STARD8: variants seen among roughly 807,000 people sequenced by gnomAD.
STARD8 encodes stAR-related lipid transfer protein 8.
STARD8 carries 25 observed loss-of-function variants against 69.4 expected under a neutral mutation model. The observed-to-expected ratio is 0.36, with a 90% CI of 0.26 to 0.50. STARD8 has a LOEUF of 0.50. Ranked by LOEUF, STARD8 falls within the 20% of genes least tolerant of loss-of-function variation. The pLI is 0.96. For missense variants in STARD8, 921 were observed against 932.5 expected, an observed-to-expected ratio of 0.99 and a Z score of 0.16; for synonymous variants, 389 against 374.6, an observed-to-expected ratio of 1.04 and a Z score of -0.45.
chrX:68,676,407 T>C (rs977019164), intron 2 of STARD8, among the ~76,000 whole-genome samples: 4 of 112,297 alleles, frequency 3.6e-5, no homozygotes, highest in Non-Finnish European at 7.5e-5. Context: ...AAACAGGAAA[T>C]CCTACCCACT....
At chrX:68,699,111 C>T (rs754727656) in intron 2 of STARD8, among the ~76,000 whole-genome samples, 29 of 111,789 alleles carry the variant, frequency 2.6e-4, no homozygotes, top group African/African-American at 8.5e-4. Context: ...CCCATTCAGC[C>T]ACAAGTTAAT....
intron 1 of STARD8, among the ~76,000 whole-genome samples, chrX:68,650,782 CAAACAAAACAAAACA>C (rs199558734): frequency 0.02 from 1,764 of 88,702 alleles, 54 homozygotes; most frequent in African/African-American, 0.067. Flanking sequence ...GGCTATGTCT[CAAACAAAACAAAACA>C]AAACAAAACA....
At chrX:68,693,674 G>T (rs1183545479) in intron 2 of STARD8, 2 of 753,700 alleles carry the variant, frequency 2.7e-6, no homozygotes, top group Non-Finnish European at 3.1e-6. Flanking sequence ...CGGCTAAGCA[G>T]CCGCGGCAGC....
At chrX:68,699,899 C>A (rs2079953084) in intron 2 of STARD8, among the ~76,000 whole-genome samples, 1 of 111,706 alleles carries the variant, frequency 9.0e-6, no homozygotes, top group African/African-American at 3.3e-5. Flanking sequence ...ATTGGAGAGC[C>A]CTTGGAAGGT....
At chrX:68,668,282 T>TTC (rs1438661711) in intron 2 of STARD8, among the ~76,000 whole-genome samples, 192 of 93,358 alleles carry the variant, frequency 2.1e-3, no homozygotes, top group African/African-American at 5.8e-3. Flanking sequence ...TTCTCTTTCT[T>TTC]TCTTTCTTTC....
rs1047917267 is a variant in STARD8 at position 68,677,847 on chromosome X, C to G, written c.79+12315C>G. On this transcript the variant is annotated intron_variant, in intron 2 of 14. Transcript: ENST00000374599. ...TTCCCCATGCCCCCCACCCACCCCC[C>G]CAATGTATGATACATATATATAGAG... Among the ~76,000 whole-genome samples the G allele has an allele frequency of 1.8e-3, 160 of 90,244 alleles. 1 individual carries two copies. Among genetic ancestry groups the G allele is most frequent in the Non-Finnish European group, 1.9e-3 (86 of 46,383 alleles). 78.4% of individuals were successfully genotyped at this position (90,244 alleles called of 115,157 possible).
chrX:68,647,968 G>C (rs2079525663), intron 1 of STARD8, 41 bp downstream of exon 1: 1 of 1,178,785 alleles, frequency 8.5e-7, no homozygotes, highest in Non-Finnish European at 1.1e-6. Flanking sequence ...GCTGCTCAGG[G>C]GGGAAGGAGG....
intron 2 of STARD8, among the ~76,000 whole-genome samples, chrX:68,706,330 C>G (rs1422723128): frequency 8.9e-6 from 1 of 112,011 alleles, no homozygotes; most frequent in Non-Finnish European, 1.9e-5. Context: ...CCTGTGCCTC[C>G]CTCTGTAAGA....
At chrX:68,668,295 T>C (rs1441175520) in intron 2 of STARD8, among the ~76,000 whole-genome samples, 1 of 99,031 alleles carries the variant, frequency 1.0e-5, no homozygotes, top group African/African-American at 4.1e-5. Flanking sequence ...TTTCTTTCTT[T>C]CTTTCTTCTT....
Position 68,647,801 on chromosome X carries a change from C to G in STARD8, c.-82C>G, listed in dbSNP as rs2079524089. 8.9e-7 allele frequency: 1 copy of G among 1,127,672 alleles called. No homozygotes were observed. Among genetic ancestry groups the G allele is most frequent in the African/African-American group, 1.8e-5 (1 of 55,001 alleles). 92.9% of individuals were successfully genotyped at this position (1,127,672 alleles called of 1,213,427 possible). On this transcript the variant is annotated 5_prime_UTR_variant, in exon 1 of 15. Coordinates refer to ENST00000374599, the MANE Select transcript of STARD8 (RefSeq NM_001142503.3). ...GGCTGGCTCTCGCCGAGCCCCGGGC[C>G]TCTTTTAGCCTCGTCCCCAGAGAGG...
intron 1 of STARD8, among the ~76,000 whole-genome samples, chrX:68,664,897 A>T (rs918572416): frequency 7.1e-5 from 8 of 112,311 alleles, no homozygotes; most frequent in African/African-American, 2.6e-4. Context: ...TAATCATTTT[A>T]AAAAGTGCCT....
At chrX:68,655,449 C>T (rs916643524) in intron 1 of STARD8, among the ~76,000 whole-genome samples, 55 of 111,948 alleles carry the variant, frequency 4.9e-4, no homozygotes, top group African/African-American at 1.7e-3. Context: ...AGTTCCACAG[C>T]CCACTCAAAT....
intron 5 of STARD8, 50 bp from the exon 6 acceptor site, chrX:68,717,162 G>T: frequency 8.9e-7 from 1 of 1,120,242 alleles, no homozygotes; most frequent in African/African-American, 1.8e-5. Context: ...GTACAAGCAA[G>T]GACTTGTGGC....
chrX:68,715,882 T>G (rs1164790936), intron 4 of STARD8, among the ~76,000 whole-genome samples: 1 of 112,388 alleles, frequency 8.9e-6, no homozygotes, highest in Non-Finnish European at 1.9e-5. Context: ...TGCAAAGACT[T>G]TTTAGCATAC....
intron 2 of STARD8, among the ~76,000 whole-genome samples, chrX:68,669,265 C>T (rs1026001063): frequency 8.0e-5 from 9 of 111,981 alleles, no homozygotes; most frequent in African/African-American, 1.9e-4. Context: ...TGATTGGGGC[C>T]GGAAGCTCCA....
At chrX:68,658,430 C>T (rs979617470) in intron 1 of STARD8, among the ~76,000 whole-genome samples, 1 of 112,330 alleles carries the variant, frequency 8.9e-6, no homozygotes, top group Non-Finnish European at 1.9e-5. Flanking sequence ...AATGAGGAGG[C>T]TGGATTGGTT....
intron 1 of STARD8, among the ~76,000 whole-genome samples, chrX:68,654,135 C>G (rs1209163146): frequency 2.7e-5 from 3 of 111,528 alleles, no homozygotes; most frequent in African/African-American, 9.8e-5. Flanking sequence ...TTCTCTGTTC[C>G]TCTCTCCAAA....
In STARD8 at chrX:68,722,576, A is replaced by T; in HGVS notation, c.2729A>T (p.Asp910Val). The change falls in exon 12 of 15, where the codon GAT becomes GTT. Residue 910 changes from aspartate to valine, a missense_variant. Transcript: ENST00000374599. ...MEENIQDLLR[D>V]AAERFKGWMS... The stretch of plus-strand genomic sequence containing the variant: ...GAGAATATCCAGGACCTGCTGCGTG[A>T]TGCTGCTGAGCGCTTCAAGGGCTGG... The T allele has an allele frequency of 8.3e-7, 1 of 1,212,021 alleles. No homozygotes were observed. Among genetic ancestry groups the T allele is most frequent in the African/African-American group, 1.7e-5 (1 of 57,876 alleles).
intron 2 of STARD8, among the ~76,000 whole-genome samples, chrX:68,668,116 T>C (rs1437948957): frequency 1.0e-5 from 1 of 97,376 alleles, no homozygotes; most frequent in African/African-American, 4.1e-5. Context: ...TTTCTTTCTG[T>C]CTTTCTTTCT....
Sources: gnomAD v4.1 joint callset for allele counts (sites outside exome capture counted in the v4.1 genomes callset) on GRCh38, gnomAD v4.1.1 for gene constraint, MANE v1.5 for transcripts, NCBI Gene and HGNC (gene_info 2026-07-23, HGNC 2026-07-21) for gene names.